Variants in NDUFAB1 observed in about 807,000 individuals in gnomAD.
NDUFAB1 encodes NADH:ubiquinone oxidoreductase subunit AB1.
A neutral mutation model predicts 16.1 loss-of-function variants in NDUFAB1; 5 were observed. The ratio of observed to expected loss-of-function variants is 0.31; its 90% confidence interval spans 0.16 to 0.65. The LOEUF (loss-of-function observed/expected upper bound fraction) is 0.65, where lower values mean the gene tolerates loss of function less well. NDUFAB1 is among the 30% of genes least tolerant of loss of function. The pLI is 0.77. For synonymous variants in NDUFAB1, 85 were observed against 78.4 expected (o/e 1.08, Z -0.44); for missense variants, 187 against 205.3 (o/e 0.91, Z 0.54).
intron 4 of NDUFAB1, among the ~76,000 whole-genome samples, chr16:23,581,606 A>G (rs1447678114): frequency 2.6e-5 from 4 of 152,220 alleles, no homozygotes; most frequent in East Asian, 1.9e-4. Context: ...ACACTAATAC[A>G]ATGTTTTAAT....
chr16:23,585,985 T>C (rs1966229279), intron 2 of NDUFAB1, among the ~76,000 whole-genome samples: 1 of 152,232 alleles, frequency 6.6e-6, no homozygotes, highest in Admixed American at 6.5e-5. Context: ...TGGAGTGCAA[T>C]GGCACGATCT....
intron 3 of NDUFAB1, among the ~76,000 whole-genome samples, chr16:23,583,782 G>T (rs1288000119): frequency 6.6e-6 from 1 of 151,182 alleles, no homozygotes; most frequent in Non-Finnish European, 1.5e-5. Context: ...ATTGAGAACG[G>T]GCCATGATGA....
intron 1 of NDUFAB1, 91 bp from the exon 2 acceptor site, chr16:23,587,410 T>C: frequency 6.7e-7 from 1 of 1,498,238 alleles, no homozygotes; most frequent in Non-Finnish European, 9.0e-7. Context: ...CACAGAACTT[T>C]CGGGGCTTTA....
At chr16:23,581,302 T>C (rs1232118047) in intron 4 of NDUFAB1, 129 bp from the exon 5 acceptor site, 1 of 152,202 alleles carries the variant, frequency 6.6e-6, no homozygotes, top group Non-Finnish European at 1.5e-5. Flanking sequence ...TCTCAGCACT[T>C]TGGGAGGCCA....
At chr16:23,590,580 G>A (rs1355085135) in intron 1 of NDUFAB1, among the ~76,000 whole-genome samples, 1 of 151,302 alleles carries the variant, frequency 6.6e-6, no homozygotes, top group Non-Finnish European at 1.5e-5. Flanking sequence ...TACCTTGGCT[G>A]TAGCGTAGCC....
Position 23,585,431 on chromosome 16 carries a change from A to G in NDUFAB1, c.292-8T>C, listed in dbSNP as rs1966224309. On this transcript the variant is annotated splice_region_variant and splice_polypyrimidine_tract_variant and intron_variant, in intron 2 of 4. Coordinates refer to ENST00000007516, the MANE Select transcript of NDUFAB1 (RefSeq NM_005003.3). ...ATGAGAATTTACTGAAAGCTGCAAG[A>G]AAGGAGCACCAAACACAAAATTTAG... The G allele has an allele frequency of 6.2e-7, 1 of 1,609,000 alleles. No individual in the cohort carries two copies. Among genetic ancestry groups the G allele is most frequent in the Non-Finnish European group, 8.5e-7 (1 of 1,175,336 alleles).
At chr16:23,595,737 A>C in intron 1 of NDUFAB1, 3 of 459,946 alleles carry the variant, frequency 6.5e-6, no homozygotes, top group Middle Eastern at 4.2e-4. Flanking sequence ...TTTCACTACA[A>C]TACGGTGACC....
At chr16:23,584,513 T>G (rs958313091) in intron 3 of NDUFAB1, among the ~76,000 whole-genome samples, 1 of 151,900 alleles carries the variant, frequency 6.6e-6, no homozygotes, top group Non-Finnish European at 1.5e-5. Context: ...GGCTGGGTTT[T>G]GGTAGTTAGC....
intron 2 of NDUFAB1, among the ~76,000 whole-genome samples, chr16:23,586,301 CA>C (rs909389273): frequency 1.7e-4 from 25 of 146,760 alleles, no homozygotes; most frequent in Middle Eastern, 3.5e-3. Flanking sequence ...AAACCCAAAT[CA>C]AAAAAAAAAC....
chr16:23,591,815 ATC>A lies in NDUFAB1; in HGVS notation c.168+4306_168+4307del, dbSNP rs564082472. 9.2e-5 allele frequency among the ~76,000 whole-genome samples: 14 copies of A among 152,292 alleles called. No individual in the cohort carries two copies. The South Asian group carries it at 2.1e-3, about 23-fold the overall frequency. On this transcript the variant is annotated intron_variant, in intron 1 of 4. Transcript: ENST00000007516. ...ACGTTCACTGAGAGATTGGTCAAGTATCTCTTTTTGCTTTTGCACTACACACA... is the reference window on the plus strand; with the variant it reads ...ACGTTCACTGAGAGATTGGTCAAGTATCTTTTTGCTTTTGCACTACACACA...
At chr16:23,595,541 A>G (rs560806045) in intron 1 of NDUFAB1, 7 of 455,288 alleles carry the variant, frequency 1.5e-5, no homozygotes, top group Admixed American at 2.4e-5. Context: ...AAATCCGCAT[A>G]TAAGTGGACC....
rs960004192 is a variant in NDUFAB1, at chr16:23,582,193, A to C, written c.*8+83T>G. 5 of 1,347,740 alleles carry C rather than the reference A, an allele frequency of 3.7e-6. No homozygotes were observed. The Admixed American group carries it at 1.5e-4, about 41-fold the overall frequency. 83.5% of individuals were successfully genotyped at this position (1,347,740 alleles called of 1,614,324 possible). On this transcript the variant is annotated intron_variant, in intron 4 of 4. Coordinates refer to ENST00000007516, the MANE Select transcript of NDUFAB1 (RefSeq NM_005003.3). ...TGAAAAATCTTGGTCAAGCATTTCC[A>C]TTTTCTGTTTCTTCTTAAGTTTCCT... is the stretch of plus-strand genomic sequence containing the variant.
intron 2 of NDUFAB1, among the ~76,000 whole-genome samples, chr16:23,586,808 C>G (rs1966237251): frequency 6.6e-6 from 1 of 151,962 alleles, no homozygotes; most frequent in Non-Finnish European, 1.5e-5. Flanking sequence ...GCCACCATGC[C>G]CGGCTAATTT....
chr16:23,582,110 C>T (rs1354722436), intron 4 of NDUFAB1, 166 bp downstream of exon 4: 2 of 724,968 alleles, frequency 2.8e-6, no homozygotes, highest in African/African-American at 3.7e-5. Flanking sequence ...AGATCACCAC[C>T]AGGGCTGGGC....
At chr16:23,594,250 G>GA (rs1280458514) in intron 1 of NDUFAB1, among the ~76,000 whole-genome samples, 1 of 152,044 alleles carries the variant, frequency 6.6e-6, no homozygotes, top group East Asian at 1.9e-4. Flanking sequence ...CCCAATGAAT[G>GA]AATCCATTAC....
intron 3 of NDUFAB1, among the ~76,000 whole-genome samples, chr16:23,585,112 G>GCA (rs1331176067): frequency 2.6e-5 from 4 of 152,206 alleles, no homozygotes; most frequent in African/African-American, 9.6e-5. Context: ...ACCACACTGG[G>GCA]CACTCTGCTG....
intron 1 of NDUFAB1, among the ~76,000 whole-genome samples, chr16:23,589,074 CG>C (rs1966256971): frequency 1.3e-5 from 2 of 152,012 alleles, no homozygotes; most frequent in African/African-American, 4.8e-5. Flanking sequence ...CCGAAGCAGG[CG>C]GATCACGAGG....
chr16:23,584,333 T>TGTACTTCGC (rs1966215130), intron 3 of NDUFAB1, among the ~76,000 whole-genome samples: 1 of 147,804 alleles, frequency 6.8e-6, no homozygotes, highest in African/African-American at 2.5e-5. Context: ...CAACCACCCG[T>TGTACTTCGC]GTACTTTCTA....
chr16:23,593,104 A>G (rs970225479), intron 1 of NDUFAB1, among the ~76,000 whole-genome samples: 2 of 152,192 alleles, frequency 1.3e-5, no homozygotes, highest in Non-Finnish European at 2.9e-5. Flanking sequence ...CAACTAGCCT[A>G]GGCAACATAA....
Sources: allele counts gnomAD v4.1 joint callset (sites outside exome capture counted in the v4.1 genomes callset), GRCh38; gene constraint gnomAD v4.1.1; transcripts MANE v1.5; gene names NCBI Gene and HGNC (gene_info 2026-07-23, HGNC 2026-07-21).